Variants in TGIF1 observed in about 807,000 individuals in gnomAD.
TGIF1 encodes the protein homeobox protein TGIF1.
A neutral mutation model predicts 19.3 loss-of-function variants in TGIF1; 4 were observed. That is an observed-to-expected ratio of 0.21 (90% CI 0.10 to 0.47). TGIF1 has a LOEUF of 0.47. Ranked by LOEUF, TGIF1 falls within the 20% of genes least tolerant of loss-of-function variation. The pLI is 0.98. For synonymous variants in TGIF1, 122 were observed against 129.3 expected, an observed-to-expected ratio of 0.94 and a Z score of 0.38; for missense variants, 275 against 341.4, an observed-to-expected ratio of 0.81 and a Z score of 1.53.
At chr18:3,415,504 C>A in intron 1 of TGIF1, 3 of 461,904 alleles carry the variant, frequency 6.5e-6, no homozygotes, top group East Asian at 1.2e-4. Flanking sequence ...CCTGGGTGCC[C>A]AGAAGACAGC....
chr18:3,452,176 C>A lies in TGIF1; in HGVS notation c.16+1671C>A, dbSNP rs1383289602. On this transcript the variant is annotated intron_variant, in intron 1 of 2. Transcript: ENST00000343820. ...GCCTACCTTCCCCCAGCGCCGTGGTCCTCCCTGGCGACCCCCTCTGCGCTC... is the reference window on the plus strand; with the variant it reads ...GCCTACCTTCCCCCAGCGCCGTGGTACTCCCTGGCGACCCCCTCTGCGCTC... 7 of 1,613,422 alleles carry A rather than the reference C, an allele frequency of 4.3e-6. No individual in the cohort carries two copies. The South Asian group carries it at 5.5e-5, about 13-fold the overall frequency.
chr18:3,429,299 C>G (rs1017048252), intron 2 of TGIF1, among the ~76,000 whole-genome samples: 1 of 151,998 alleles, frequency 6.6e-6, no homozygotes, highest in Non-Finnish European at 1.5e-5. Context: ...CTTGCTCAAA[C>G]AATCCTCCCA....
intron 1 of TGIF1, chr18:3,415,656 G>A: frequency 5.2e-6 from 1 of 191,628 alleles, no homozygotes. Context: ...ACATAAGAGT[G>A]CAACTTCAGA....
chr18:3,447,165 C>T (rs1236248117), upstream of TGIF1, among the ~76,000 whole-genome samples: 3 of 151,826 alleles, frequency 2.0e-5, no homozygotes, highest in Non-Finnish European at 4.4e-5. Flanking sequence ...GAAGATAAGA[C>T]GCCAAAAGGA....
chr18:3,414,578 C>G (rs2082307555), intron 1 of TGIF1, among the ~76,000 whole-genome samples: 1 of 152,186 alleles, frequency 6.6e-6, no homozygotes, highest in African/African-American at 2.4e-5. Flanking sequence ...TCCCTTGGCT[C>G]TACCCAGTGA....
At chr18:3,442,215 CA>C in intron 2 of TGIF1, among the ~76,000 whole-genome samples, 1 of 152,148 alleles carries the variant, frequency 6.6e-6, no homozygotes, top group East Asian at 1.9e-4. Flanking sequence ...AAATTTCTGT[CA>C]ATTTTATTCC....
At chr18:3,413,905 G>A (rs1438311454) in intron 1 of TGIF1, among the ~76,000 whole-genome samples, 1 of 152,190 alleles carries the variant, frequency 6.6e-6, no homozygotes, top group African/African-American at 2.4e-5. Flanking sequence ...TTGCCAAATG[G>A]CAGGCACTAT....
chr18:3,442,506 A>G (rs2082688252), intron 2 of TGIF1, among the ~76,000 whole-genome samples: 1 of 152,154 alleles, frequency 6.6e-6, no homozygotes, highest in Non-Finnish European at 1.5e-5. Context: ...AAGCTAATAC[A>G]AAAATAGGCT....
upstream of TGIF1, chr18:3,448,149 G>A (rs2082781673): frequency 1.0e-6 from 1 of 983,054 alleles, no homozygotes; most frequent in Non-Finnish European, 1.2e-6. Flanking sequence ...GGCAGCCGAA[G>A]CCGCTTTCGA....
upstream of TGIF1, chr18:3,450,007 C>T (rs1024889148): frequency 3.0e-6 from 3 of 989,952 alleles, no homozygotes; most frequent in African/African-American, 3.5e-5. Context: ...CGCGTCCGCA[C>T]CGCCGCCCCC....
chr18:3,444,638 G>T (rs2082717546), intron 2 of TGIF1, among the ~76,000 whole-genome samples: 1 of 151,796 alleles, frequency 6.6e-6, no homozygotes, highest in South Asian at 2.1e-4. Context: ...GTTTTTTGTT[G>T]TTGTTGTTTT....
chr18:3,415,365 T>C, intron 1 of TGIF1: 1 of 416,298 alleles, frequency 2.4e-6, no homozygotes, highest in African/African-American at 2.0e-5. Context: ...TATTGCGAAA[T>C]GGTCAGAGGC....
At chr18:3,431,360 CG>C (rs898252399) in intron 2 of TGIF1, among the ~76,000 whole-genome samples, 1 of 151,914 alleles carries the variant, frequency 6.6e-6, no homozygotes, top group African/African-American at 2.4e-5. Flanking sequence ...GGCTTGAACC[CG>C]GGAGGTGGAG....
chr18:3,443,082 A>G (rs2082694771), intron 2 of TGIF1, among the ~76,000 whole-genome samples: 1 of 152,220 alleles, frequency 6.6e-6, no homozygotes, highest in Non-Finnish European at 1.5e-5. Flanking sequence ...AGAAGCCCCA[A>G]AAGATCTGCA....
chr18:3,450,076 G>A (rs1255258299), upstream of TGIF1: 2 of 1,040,608 alleles, frequency 1.9e-6, no homozygotes, highest in Non-Finnish European at 2.3e-6. Flanking sequence ...GGAAGGTGCG[G>A]GGGAGGGGCG....
upstream of TGIF1, among the ~76,000 whole-genome samples, chr18:3,447,299 A>C (rs2082760557): frequency 1.3e-5 from 2 of 151,910 alleles, no homozygotes; most frequent in Admixed American, 1.3e-4. Flanking sequence ...ATTCATATGA[A>C]TCAGCAAATA....
chr18:3,450,281 C>G lies in TGIF1; in HGVS notation c.-209C>G, dbSNP rs1005832724. The G allele has an allele frequency of 4.0e-5, 57 of 1,436,904 alleles. No homozygotes were observed. The South Asian group carries it at 7.9e-4, about 20-fold the overall frequency. The allele number at this position is 1,436,904 out of a possible 1,614,324, so 89.0% of individuals were successfully genotyped here. On this transcript the variant is annotated 5_prime_UTR_variant, in exon 1 of 3. Transcript: ENST00000343820. ...CCCCCGGCCGGCTGCCAGAAGATCC[C>G]GGCGGGAGGAAGCCCAAGTGTCACT...
upstream of TGIF1, chr18:3,449,720 T>C: frequency 2.0e-6 from 2 of 985,410 alleles, no homozygotes; most frequent in South Asian, 9.4e-5. Flanking sequence ...GGCGGCTGTC[T>C]CGTGCGGCTA....
At chr18:3,412,771 T>G (rs1331529635) in intron 1 of TGIF1, 1 of 152,226 alleles carries the variant, frequency 6.6e-6, no homozygotes, top group Non-Finnish European at 1.5e-5. Flanking sequence ...CCTGAGTCGG[T>G]TTTTCCCCTT....
Sources: gnomAD v4.1 joint callset for allele counts (sites outside exome capture counted in the v4.1 genomes callset) on GRCh38, gnomAD v4.1.1 for gene constraint, MANE v1.5 for transcripts, NCBI Gene and HGNC (gene_info 2026-07-23, HGNC 2026-07-21) for gene names.